EYA1: variants seen among roughly 807,000 people sequenced by gnomAD.
The protein encoded by EYA1 is EYA transcriptional coactivator and phosphatase 1.
Under a neutral mutation model 82.0 loss-of-function variants are expected in EYA1, and 16 were observed. The ratio of observed to expected loss-of-function variants is 0.20; its 90% CI spans 0.13 to 0.30. The LOEUF is 0.30. Among genes scored for constraint, EYA1 ranks in the 10% least tolerant of loss-of-function variants. The pLI is 1.00. For synonymous variants in EYA1, 261 were observed against 264.4 expected (o/e 0.99, Z 0.12); for missense variants, 633 against 730.7 (o/e 0.87, Z 1.54).
intron 1 of EYA1, among the ~76,000 whole-genome samples, chr8:71,537,054 G>A (rs1006736649): frequency 1.3e-5 from 2 of 152,092 alleles, no homozygotes; most frequent in African/African-American, 4.8e-5. Context: ...TCCAAGCATG[G>A]TTTATTTAAG....
At chr8:71,370,916 C>T (rs897518399) in intron 2 of EYA1, among the ~76,000 whole-genome samples, 8 of 152,114 alleles carry the variant, frequency 5.3e-5, no homozygotes, top group East Asian at 1.9e-4. Context: ...TGAGCCACTA[C>T]ACCCAGCCTT....
At chr8:71,289,282 G>A (rs1818746597) in intron 9 of EYA1, among the ~76,000 whole-genome samples, 1 of 151,998 alleles carries the variant, frequency 6.6e-6, no homozygotes, top group Non-Finnish European at 1.5e-5. Context: ...ATCAGCTGTT[G>A]GATTATCCAA....
chr8:71,456,605 C>A (rs894230892), intron 2 of EYA1, among the ~76,000 whole-genome samples: 1 of 151,856 alleles, frequency 6.6e-6, no homozygotes, highest in Non-Finnish European at 1.5e-5. Flanking sequence ...TAATATCACA[C>A]CATCTACAAC....
intron 2 of EYA1, among the ~76,000 whole-genome samples, chr8:71,431,421 T>C (rs886488691): frequency 6.6e-6 from 1 of 152,174 alleles, no homozygotes; most frequent in Non-Finnish European, 1.5e-5. Context: ...TAGAAATTCC[T>C]AATGTCACTC....
At chr8:71,305,275 C>T (rs1298280161) in intron 7 of EYA1, among the ~76,000 whole-genome samples, 2 of 143,014 alleles carry the variant, frequency 1.4e-5, no homozygotes, top group African/African-American at 2.5e-5. Flanking sequence ...CAAGGTTTTA[C>T]ATCACATTAT....
chr8:71,260,480 T>C (rs2128930493), intron 11 of EYA1, among the ~76,000 whole-genome samples: 1 of 152,350 alleles, frequency 6.6e-6, no homozygotes, highest in South Asian at 2.1e-4. Context: ...CTTATATCCA[T>C]GAGATGATAC....
At chr8:71,213,646 AT>A (rs1233667216) in intron 16 of EYA1, among the ~76,000 whole-genome samples, 1 of 152,188 alleles carries the variant, frequency 6.6e-6, no homozygotes, top group Non-Finnish European at 1.5e-5. Context: ...AACTCCAGAT[AT>A]GTATTTCTAA....
At chr8:71,524,852 G>T (rs1356034664) in intron 2 of EYA1, among the ~76,000 whole-genome samples, 1 of 152,000 alleles carries the variant, frequency 6.6e-6, no homozygotes, top group East Asian at 1.9e-4. Context: ...ATTTAAAAAA[G>T]GTTTCTTTTC....
At chr8:71,427,053 G>C (rs988863232) in intron 2 of EYA1, among the ~76,000 whole-genome samples, 1 of 152,226 alleles carries the variant, frequency 6.6e-6, no homozygotes. Context: ...ATTTCTAACA[G>C]AGTATGAAGC....
At chr8:71,429,895 C>A (rs187672551) in intron 2 of EYA1, among the ~76,000 whole-genome samples, 4 of 152,216 alleles carry the variant, frequency 2.6e-5, no homozygotes, top group East Asian at 3.9e-4. Context: ...ACAAAAACTA[C>A]CTGTAGCTTA....
intron 2 of EYA1, among the ~76,000 whole-genome samples, chr8:71,395,678 GC>G (rs1829558946): frequency 6.6e-6 from 1 of 152,140 alleles, no homozygotes; most frequent in African/African-American, 2.4e-5. Flanking sequence ...TTGATGTGCT[GC>G]AGGATTCGGC....
In EYA1 at chr8:71,487,630, A is replaced by G. The variant is rs148937233; in HGVS notation, c.33+48114T>C. ...ATGGGAGAATTCCTAACAATGATTA[A>G]GAAAATATAAACAATTCAATTTTTT... On this transcript the variant is annotated intron_variant, in intron 2 of 18. Transcript: ENST00000643681. 1.9e-4 allele frequency among the ~76,000 whole-genome samples: 29 copies of G among 152,366 alleles called. No homozygotes were observed. In the East Asian group the frequency reaches 5.6e-3, roughly 29 times the overall value.
chr8:71,400,712 G>A lies in EYA1; in HGVS notation c.34-44201C>T, dbSNP rs144457780. On this transcript the variant is annotated intron_variant, in intron 2 of 18. Transcript: ENST00000643681. ...GGGAAGGTAAATTAGTTCAACCATTGTGGAAGACAGTGTGGCAATTCCTCA... is the reference window on the plus strand; with the variant it reads ...GGGAAGGTAAATTAGTTCAACCATTATGGAAGACAGTGTGGCAATTCCTCA... Among the ~76,000 whole-genome samples, 740 of 152,322 alleles carry A rather than the reference G, an allele frequency of 4.9e-3. 6 individuals carry two copies. Among genetic ancestry groups the A allele is most frequent in the African/African-American group, 0.017 (713 of 41,576 alleles).
At chr8:71,461,139 G>A (rs893331964) in intron 2 of EYA1, among the ~76,000 whole-genome samples, 1 of 152,094 alleles carries the variant, frequency 6.6e-6, no homozygotes, top group African/African-American at 2.4e-5. Flanking sequence ...TCCTTGAGGT[G>A]TTGCTTTTCT....
At chr8:71,295,578 A>G (rs1225272405) in intron 9 of EYA1, among the ~76,000 whole-genome samples, 1 of 152,254 alleles carries the variant, frequency 6.6e-6, no homozygotes, top group Admixed American at 6.5e-5. Context: ...AATTCTGGCA[A>G]GAATATGGAG....
At position 71,382,587 on chromosome 8, in the gene EYA1, T is replaced by C. The variant is rs537808297; in HGVS notation, c.34-26076A>G. On this transcript the variant is annotated intron_variant, in intron 2 of 18. Coordinates refer to the EYA1 transcript ENST00000643681. ...CAATTTGTCTCCTTAAAAGTATACA[T>C]TAATAGGAAATAGATAAGTGATGTT... 5.6e-4 allele frequency among the ~76,000 whole-genome samples: 86 copies of C among 152,230 alleles called. 1 individual carries two copies. The highest frequency in any genetic ancestry group is 2.1e-3 in the African/African-American group (86 of 41,586).
At chr8:71,390,032 C>T (rs1169367387) in intron 2 of EYA1, among the ~76,000 whole-genome samples, 1 of 152,030 alleles carries the variant, frequency 6.6e-6, no homozygotes, top group Non-Finnish European at 1.5e-5. Context: ...TTTAGTAATA[C>T]ATGTATTTTT....
chr8:71,481,927 G>A (rs1193094682), intron 2 of EYA1, among the ~76,000 whole-genome samples: 2 of 152,110 alleles, frequency 1.3e-5, no homozygotes, highest in Non-Finnish European at 2.9e-5. Context: ...AAAGCAAGTT[G>A]AATCAAACAA....
At chr8:71,376,051 G>A (rs1828351511) in intron 2 of EYA1, among the ~76,000 whole-genome samples, 2 of 152,212 alleles carry the variant, frequency 1.3e-5, no homozygotes, top group Non-Finnish European at 2.9e-5. Context: ...TTGACAAATA[G>A]TTAAAAATCA....
Sources: gnomAD v4.1 joint callset for allele counts (sites outside exome capture counted in the v4.1 genomes callset) on GRCh38, gnomAD v4.1.1 for gene constraint, MANE v1.5 for transcripts, NCBI Gene and HGNC (gene_info 2026-07-23, HGNC 2026-07-21) for gene names.